Variants in MARK3 observed in about 807,000 individuals in gnomAD.
The protein encoded by MARK3 is microtubule affinity regulating kinase 3, also known as MAP/microtubule affinity-regulating kinase 3.
In MARK3, 46 loss-of-function variants were observed where a neutral mutation model predicts 90.1. The observed-to-expected ratio is 0.51, with a 90% CI of 0.40 to 0.65. The LOEUF (loss-of-function observed/expected upper bound fraction) is 0.65, where lower values mean the gene tolerates loss of function less well. Among genes scored for constraint, MARK3 ranks in the 30% least tolerant of loss-of-function variants. The probability of loss-of-function intolerance (pLI) is 0.00; values close to 1 mark genes in which losing one functional copy is unlikely to be tolerated. For missense variants in MARK3, 818 were observed against 947.2 expected (o/e 0.86, Z 1.79); for synonymous variants, 321 against 332.6 (o/e 0.97, Z 0.38).
chr14:103,498,742 G>T, intron 16 of MARK3: 1 of 309,384 alleles, frequency 3.2e-6, no homozygotes, highest in Non-Finnish European at 5.8e-6. Context: ...GCAACAAAAG[G>T]CTGATGCATG....
chr14:103,467,240 TTATA>T lies in MARK3; in HGVS notation c.1110+52_1110+55del, dbSNP rs748680076. 1.2e-5 allele frequency: 10 copies of T among 817,742 alleles called. No homozygotes were observed. The South Asian group carries it at 1.6e-4, about 13-fold the overall frequency. The allele number at this position is 817,742 out of a possible 1,614,324, so 50.7% of individuals were successfully genotyped here. ...AAATACCCTGTATGTAATTATTAGT[TTATA>T]TAAACTGTTTTCTTAGTTTTTATCT... is the stretch of plus-strand genomic sequence containing the variant. On this transcript the variant is annotated intron_variant, in intron 11 of 17. Transcript: ENST00000429436.
chr14:103,412,079 T>G (rs1465402251), intron 2 of MARK3: 5 of 569,268 alleles, frequency 8.8e-6, no homozygotes, highest in African/African-American at 3.9e-5. Flanking sequence ...TTGTTTTTTG[T>G]TTTTTTTACT....
At chr14:103,410,322 G>A (rs1826757283) in intron 2 of MARK3, among the ~76,000 whole-genome samples, 1 of 152,168 alleles carries the variant, frequency 6.6e-6, no homozygotes, top group African/African-American at 2.4e-5. Context: ...AAAGAGGGCA[G>A]AGCCCTTGCA....
chr14:103,479,366 A>G (rs1595877995), intron 13 of MARK3, among the ~76,000 whole-genome samples: 1 of 152,208 alleles, frequency 6.6e-6, no homozygotes, highest in Non-Finnish European at 1.5e-5. Context: ...ATATTTAGGA[A>G]TAAAATTGTT....
At chr14:103,415,638 C>G (rs887281690) in intron 2 of MARK3, among the ~76,000 whole-genome samples, 21 of 151,484 alleles carry the variant, frequency 1.4e-4, no homozygotes, top group Non-Finnish European at 1.5e-5. Context: ...TATTTTCCCC[C>G]CACTAATTTT....
In MARK3 at chr14:103,466,331, T is replaced by A; in HGVS notation, c.898-12T>A. 6.3e-7 allele frequency: 1 copy of A among 1,579,804 alleles called. No homozygotes were observed. The highest frequency in any genetic ancestry group is 8.7e-7 in the Non-Finnish European group (1 of 1,151,820). ...CATTTTACTCTGCTAATGAACAGTT[T>A]ACCTTTTTTAGCAAATCATGAAGGA... is the stretch of plus-strand genomic sequence containing the variant. On this transcript the variant is annotated splice_polypyrimidine_tract_variant and intron_variant, in intron 9 of 17. Transcript: ENST00000429436.
intron 1 of MARK3, among the ~76,000 whole-genome samples, chr14:103,392,552 G>A (rs1469334740): frequency 2.0e-5 from 3 of 152,066 alleles, no homozygotes; most frequent in African/African-American, 7.2e-5. Flanking sequence ...AAAAATCACT[G>A]CCTTAGTGTG....
At chr14:103,428,283 GTTGCTTGCTTGC>G in intron 2 of MARK3, 92 bp from the exon 3 acceptor site, 1 of 601,176 alleles carries the variant, frequency 1.7e-6, no homozygotes, top group Non-Finnish European at 2.9e-6. Flanking sequence ...TTTGTGGTTT[GTTGCTTGCTTGC>G]TTGCTTGCTT....
intron 3 of MARK3, among the ~76,000 whole-genome samples, chr14:103,433,848 A>G (rs893500080): frequency 1.3e-5 from 2 of 152,128 alleles, no homozygotes; most frequent in African/African-American, 4.8e-5. Flanking sequence ...CTGGGGCCTA[A>G]TGCAGGAGTT....
intron 1 of MARK3, among the ~76,000 whole-genome samples, chr14:103,401,089 A>C (rs540675886): frequency 1.4e-4 from 22 of 151,900 alleles, no homozygotes; most frequent in Non-Finnish European, 2.8e-4. Flanking sequence ...TAATGTTGGT[A>C]CTGAGTGCTG....
chr14:103,424,294 A>G (rs1171529913), intron 2 of MARK3, among the ~76,000 whole-genome samples: 1 of 151,906 alleles, frequency 6.6e-6, no homozygotes, highest in Non-Finnish European at 1.5e-5. Context: ...GCACTTCGGG[A>G]GGCTGAGGTG....
rs571719731 is a variant in MARK3, at chr14:103,471,105, A to G, written c.1264+2919A>G. On this transcript the variant is annotated intron_variant, in intron 12 of 17. Transcript: ENST00000429436. ...CTTTTTTGTGTTCATGTTAGTCACT[A>G]ACAAGGGGGGTTTCTAGTGCTTATG... Among the ~76,000 whole-genome samples, 10 of 152,274 alleles carry G rather than the reference A, an allele frequency of 6.6e-5. 1 individual carries two copies. In the South Asian group the frequency reaches 1.9e-3, roughly 28 times the overall value.
chr14:103,481,757 C>CTTTTTTTTTTTTTTTTTTTTT (rs71126030), intron 14 of MARK3, among the ~76,000 whole-genome samples: 4 of 49,778 alleles, frequency 8.0e-5, no homozygotes, highest in African/African-American at 3.5e-4. Context: ...ATAGGTATTT[C>CTTTTTTTTTTTTTTTTTTTTT]TTTTTTTTTT....
At chr14:103,475,837 C>G (rs1010572532) in intron 13 of MARK3, among the ~76,000 whole-genome samples, 4 of 151,648 alleles carry the variant, frequency 2.6e-5, no homozygotes, top group African/African-American at 9.7e-5. Flanking sequence ...CCCAGCTGCT[C>G]AGGAGGCTGA....
chr14:103,428,803 T>G (rs2092492332), intron 3 of MARK3, among the ~76,000 whole-genome samples: 1 of 152,200 alleles, frequency 6.6e-6, no homozygotes, highest in South Asian at 2.1e-4. Flanking sequence ...TGCAAATTTG[T>G]ACCTTATAGC....
chr14:103,428,287 C>G, intron 2 of MARK3, 100 bp from the exon 3 acceptor site: 1 of 575,214 alleles, frequency 1.7e-6, no homozygotes. Context: ...TGGTTTGTTG[C>G]TTGCTTGCTT....
chr14:103,426,220 A>G (rs2092397147), intron 2 of MARK3, among the ~76,000 whole-genome samples: 1 of 150,288 alleles, frequency 6.7e-6, no homozygotes, highest in Non-Finnish European at 1.5e-5. Context: ...CAAATATATT[A>G]TTTGTGTTAT....
intron 14 of MARK3, among the ~76,000 whole-genome samples, chr14:103,483,815 GA>G (rs1223087881): frequency 1.3e-5 from 2 of 152,348 alleles, no homozygotes; most frequent in African/African-American, 4.8e-5. Flanking sequence ...CTAGGCATGA[GA>G]AGGTTTGATT....
chr14:103,468,568 C>T (rs562145261), intron 12 of MARK3, among the ~76,000 whole-genome samples: 35 of 152,010 alleles, frequency 2.3e-4, no homozygotes, highest in African/African-American at 8.2e-4. Context: ...TTAAGTGATC[C>T]ACCTGCCTTG....
Sources: allele counts gnomAD v4.1 joint callset (sites outside exome capture counted in the v4.1 genomes callset), GRCh38; gene constraint gnomAD v4.1.1; transcripts MANE v1.5; gene names NCBI Gene and HGNC (gene_info 2026-07-23, HGNC 2026-07-21).